Variants in EML6 observed in about 807,000 individuals in gnomAD.
EML6 encodes echinoderm microtubule-associated protein-like 6.
EML6 carries 154 observed loss-of-function variants against 240.1 expected under a neutral mutation model. The observed-to-expected ratio is 0.64, with a 90% CI of 0.56 to 0.73. The LOEUF (loss-of-function observed/expected upper bound fraction) is 0.73. Among genes scored for constraint, EML6 ranks in the 30% least tolerant of loss-of-function variants. EML6 has a pLI of 0.00. For synonymous variants in EML6, 1,148 were observed against 899.0 expected (o/e 1.28, Z -4.95); for missense variants, 2,964 against 2,474.6 (o/e 1.20, Z -4.20).
chr2:54,761,269 C>T (rs1667969310), intron 2 of EML6, among the ~76,000 whole-genome samples: 1 of 151,536 alleles, frequency 6.6e-6, no homozygotes, highest in African/African-American at 2.4e-5. Flanking sequence ...GTTTTGTGAA[C>T]CAAAAAATAT....
In EML6 at chr2:54,891,076, G is replaced by T. The variant is rs1408413004; in HGVS notation, c.2461G>T (p.Val821Leu). 2.7e-6 allele frequency: 4 copies of T among 1,488,762 alleles called. No homozygotes were observed. In the Admixed American group the frequency reaches 6.0e-5, roughly 22 times the overall value. 92.2% of individuals were successfully genotyped at this position (1,488,762 alleles called of 1,614,324 possible). A position where few individuals can be genotyped will look rare whatever the true frequency, so the allele number is the denominator to read the frequency against. ...CAGAGGACATAAAGATAAGATATTT[G>T]TGGTAAAGTGTAACCCACACCATGT... ...TTRGHKDKIF[V>L]VKCNPHHVDK... Residue 821 changes from valine to leucine, a missense_variant, in exon 18 of 42, where the codon GTG becomes TTG. Val to Leu is a conservative substitution (Grantham distance 32). Coordinates refer to ENST00000356458, the MANE Select transcript of EML6 (RefSeq NM_001039753.4).
At chr2:54,940,432 A>C (rs1012230312) in intron 28 of EML6, among the ~76,000 whole-genome samples, 1 of 152,082 alleles carries the variant, frequency 6.6e-6, no homozygotes. Context: ...TTGATTCCTT[A>C]ATTTATTAGT....
At chr2:54,739,270 A>G (rs354196) in intron 2 of EML6, among the ~76,000 whole-genome samples, 96,357 of 152,068 alleles carry the variant, frequency 0.63, 32,357 homozygotes, top group African/African-American at 0.87. Context: ...GGATGAATAT[A>G]CCTGATGTTT....
chr2:54,847,395 T>G (rs1669823536), intron 8 of EML6, 91 bp from the exon 9 acceptor site: 3 of 1,335,776 alleles, frequency 2.2e-6, no homozygotes, highest in East Asian at 5.1e-5. Context: ...CTTGTTACTG[T>G]TGGTGTGGTG....
chr2:54,832,898 T>G lies in EML6; in HGVS notation c.847+3421T>G, dbSNP rs79719227. ...CCTCAGTTTGGACATGAAGCTTCCT[T>G]GTTCTCAGTTTGGACATGACAGTTT... On this transcript the variant is annotated intron_variant, in intron 7 of 41. Coordinates refer to ENST00000356458, the MANE Select transcript of EML6 (RefSeq NM_001039753.4). Among the ~76,000 whole-genome samples, 835 of 152,344 alleles carry G rather than the reference T, an allele frequency of 5.5e-3. 4 individuals carry two copies. The highest frequency in any genetic ancestry group is 8.8e-3 in the Non-Finnish European group (597 of 68,028).
At chr2:54,835,199 C>T (rs11674193) in intron 7 of EML6, among the ~76,000 whole-genome samples, 2,995 of 152,284 alleles carry the variant, frequency 0.02, 35 homozygotes, top group Non-Finnish European at 0.032. Context: ...ATTCCAAATC[C>T]CCTTCTCCCG....
At chr2:54,839,585 T>C (rs73935675) in intron 7 of EML6, among the ~76,000 whole-genome samples, 3,129 of 152,360 alleles carry the variant, frequency 0.021, 114 homozygotes, top group African/African-American at 0.071. Flanking sequence ...CACCCATGTG[T>C]AGCCAGAAAT....
At position 54,971,926 on chromosome 2, in the gene EML6, T is replaced by C. The variant is rs1387489159; in HGVS notation, c.*1831T>C. Reference sequence around the variant, plus strand: ...TTCATAAATCCTGCACTGTATGATATATGTGAGTTAAAACATTGGTGCATG... The same window carrying C: ...TTCATAAATCCTGCACTGTATGATACATGTGAGTTAAAACATTGGTGCATG... On this transcript the variant is annotated 3_prime_UTR_variant, in exon 42 of 42. Transcript: ENST00000356458. 1.3e-5 allele frequency: 2 copies of C among 152,238 alleles called. No homozygotes were observed. The highest frequency in any genetic ancestry group is 4.8e-5 in the African/African-American group (2 of 41,454). 9.4% of individuals were successfully genotyped at this position (152,238 alleles called of 1,614,324 possible).
At chr2:54,912,283 C>T (rs560094435) in intron 25 of EML6, among the ~76,000 whole-genome samples, 49 of 152,286 alleles carry the variant, frequency 3.2e-4, no homozygotes, top group Non-Finnish European at 4.7e-4. Flanking sequence ...GTCTCTGATC[C>T]GTCCTCTTTT....
chr2:54,844,048 C>G lies in EML6; in HGVS notation c.849C>G (p.Gly283=), dbSNP rs562534933. 1.1e-4 allele frequency: 171 copies of G among 1,521,346 alleles called. No individual in the cohort carries two copies. The Middle Eastern group carries it at 1.5e-3, about 14-fold the overall frequency. The allele number at this position is 1,521,346 out of a possible 1,614,324, so 94.2% of individuals were successfully genotyped here. A position where few individuals can be genotyped will look rare whatever the true frequency, so the allele number is the denominator to read the frequency against. ...DLRETEQGYK[G]LSIRSVCWKA... ...TTTTGTTTTACTTATTTTTGTCAGG[C>G]CTCTCTATCCGGAGCGTGTGCTGGA... The change falls in exon 8 of 42, where the codon GGC becomes GGG. Residue 283 remains glycine (G), a splice_region_variant and synonymous_variant. Transcript: ENST00000356458.
intron 11 of EML6, among the ~76,000 whole-genome samples, chr2:54,856,683 C>T (rs756867611): frequency 1.6e-4 from 25 of 152,110 alleles, no homozygotes; most frequent in South Asian, 1.5e-3. Context: ...AGTTGCGTAC[C>T]GTGACATTGG....
intron 5 of EML6, among the ~76,000 whole-genome samples, chr2:54,822,590 G>A (rs1054590974): frequency 1.3e-5 from 2 of 152,164 alleles, no homozygotes; most frequent in African/African-American, 4.8e-5. Context: ...TTTAAATGAT[G>A]ATATTGGGAA....
intron 2 of EML6, among the ~76,000 whole-genome samples, chr2:54,744,874 G>T (rs1427178911): frequency 6.7e-6 from 1 of 150,044 alleles, no homozygotes; most frequent in East Asian, 2.0e-4. Context: ...AGAAGGATGG[G>T]AATGCATGTG....
chr2:54,953,439 C>T (rs1409988978), intron 31 of EML6, among the ~76,000 whole-genome samples: 4 of 152,158 alleles, frequency 2.6e-5, no homozygotes, highest in Admixed American at 2.6e-4. Flanking sequence ...CAGTTTCCTT[C>T]GTATAAAATC....
chr2:54,825,723 C>G (rs556180071), intron 5 of EML6, among the ~76,000 whole-genome samples: 1 of 152,142 alleles, frequency 6.6e-6, no homozygotes, highest in Non-Finnish European at 1.5e-5. Flanking sequence ...ATTCCTTAAC[C>G]CCCTGCCACG....
chr2:54,847,673 G>T, intron 9 of EML6, 50 bp downstream of exon 9: 1 of 1,541,320 alleles, frequency 6.5e-7, no homozygotes, highest in Non-Finnish European at 8.8e-7. Flanking sequence ...CGTGTTAAAT[G>T]TTACAATTTT....
chr2:54,788,524 C>T (rs1669214327), intron 2 of EML6, among the ~76,000 whole-genome samples: 1 of 152,200 alleles, frequency 6.6e-6, no homozygotes, highest in African/African-American at 2.4e-5. Context: ...GGGGCCGCCC[C>T]CCGCCCCAGC....
intron 18 of EML6, among the ~76,000 whole-genome samples, chr2:54,891,948 C>G (rs1429366045): frequency 1.3e-5 from 2 of 152,128 alleles, no homozygotes; most frequent in Non-Finnish European, 2.9e-5. Flanking sequence ...TCTTTTTTCT[C>G]ACCCCAAAAT....
chr2:54,837,820 G>T (rs1669234024), intron 7 of EML6, among the ~76,000 whole-genome samples: 1 of 152,188 alleles, frequency 6.6e-6, no homozygotes, highest in South Asian at 2.1e-4. Context: ...TGGGAGGGGC[G>T]CAAGCATCTG....
Sources: allele counts gnomAD v4.1 joint callset (sites outside exome capture counted in the v4.1 genomes callset), GRCh38; gene constraint gnomAD v4.1.1; transcripts MANE v1.5; gene names NCBI Gene and HGNC (gene_info 2026-07-23, HGNC 2026-07-21).